CTR9: variants seen among roughly 807,000 people sequenced by gnomAD.
CTR9 encodes the protein CTR9 component of Paf1/RNA polymerase II complex, also known as RNA polymerase-associated protein CTR9 homolog.
CTR9 carries 41 observed loss-of-function variants against 152.1 expected under a neutral mutation model. The observed-to-expected ratio is 0.27, with a 90% CI of 0.21 to 0.35. The LOEUF is 0.35. CTR9 is among the 10% of genes least tolerant of loss of function. The probability of loss-of-function intolerance (pLI) is 1.00; values close to 1 mark genes in which losing one functional copy is unlikely to be tolerated. For synonymous variants in CTR9, 476 were observed against 496.2 expected (o/e 0.96, Z 0.54); for missense variants, 917 against 1,424.4 (o/e 0.64, Z 5.73).
intron 16 of CTR9, 135 bp from the exon 17 acceptor site, chr11:10,770,075 A>G (rs1863119507): frequency 8.9e-6 from 5 of 563,880 alleles, no homozygotes; most frequent in Admixed American, 7.4e-5. Context: ...TCCCCAAATT[A>G]TTCTCTGAAA....
intron 4 of CTR9, among the ~76,000 whole-genome samples, chr11:10,756,483 T>TA (rs1382902930): frequency 6.6e-6 from 1 of 152,220 alleles, no homozygotes; most frequent in Non-Finnish European, 1.5e-5. Context: ...AGCTCCCACT[T>TA]ATAAGTGAGA....
chr11:10,769,674 G>T (rs1287767426), intron 16 of CTR9, among the ~76,000 whole-genome samples: 1 of 152,122 alleles, frequency 6.6e-6, no homozygotes, highest in Admixed American at 6.5e-5. Flanking sequence ...TCATGAAAAA[G>T]GTCTTACCTA....
At chr11:10,774,894 A>G (rs552018219) in intron 22 of CTR9, among the ~76,000 whole-genome samples, 48 of 151,812 alleles carry the variant, frequency 3.2e-4, no homozygotes, top group Middle Eastern at 3.2e-3. Context: ...GAAGGGAAAG[A>G]CGTTGAAGTC....
chr11:10,771,401 A>G (rs1271343515), intron 18 of CTR9, 144 bp from the exon 19 acceptor site: 3 of 555,390 alleles, frequency 5.4e-6, no homozygotes, highest in Non-Finnish European at 9.7e-6. Context: ...TGTCTATTAA[A>G]TGTAATGAGT....
At position 10,764,361 on chromosome 11, in the gene CTR9, G is replaced by A. The variant is rs1362218422; in HGVS notation, c.1338G>A (p.Gln446=). The change falls in exon 11 of 25, where the codon CAG becomes CAA. Residue 446 remains glutamine (Q), a synonymous_variant. Coordinates refer to ENST00000361367, the MANE Select transcript of CTR9 (RefSeq NM_014633.5). ...TATRILQEKV[Q]ADVPPEILNN... ...CACGAATCCTTCAGGAGAAAGTGCA[G>A]GCCGATGTTCCTCCAGAGATTCTCA... is the stretch of plus-strand genomic sequence containing the variant. 6.2e-7 allele frequency: 1 copy of A among 1,614,094 alleles called. No homozygotes were observed. The highest frequency in any genetic ancestry group is 1.1e-5 in the South Asian group (1 of 91,066).
At chr11:10,753,951 T>A (rs1204944023) in intron 2 of CTR9, among the ~76,000 whole-genome samples, 1 of 152,202 alleles carries the variant, frequency 6.6e-6, no homozygotes, top group Non-Finnish European at 1.5e-5. Flanking sequence ...GATGTTAGCA[T>A]CTACCTCATA....
chr11:10,755,671 T>C lies in CTR9; in HGVS notation c.385-7T>C, dbSNP rs748969469. 9.5e-6 allele frequency: 15 copies of C among 1,577,620 alleles called. No homozygotes were observed. Among genetic ancestry groups the C allele is most frequent in the Non-Finnish European group, 1.3e-5 (15 of 1,147,800 alleles). ...GGTAAAATCTAAGATAATACATTAC[T>C]TCATAGAACCATTTGTTGGGAAGAG... On this transcript the variant is annotated splice_region_variant and splice_polypyrimidine_tract_variant and intron_variant, in intron 3 of 24. Coordinates refer to ENST00000361367, the MANE Select transcript of CTR9 (RefSeq NM_014633.5).
rs138850547 is a variant in CTR9, at chr11:10,752,701, G to A, written c.75G>A (p.Pro25=). The A allele has an allele frequency of 7.9e-5, 127 of 1,613,724 alleles. No homozygotes were observed. Among genetic ancestry groups the A allele is most frequent in the Non-Finnish European group, 1.0e-4 (119 of 1,179,816 alleles). The stretch of plus-strand genomic sequence containing the variant: ...TTGAACTTGACTTCGATCAGTTACC[G>A]GAGGGAGATGAAGTTATCAGTATTC... ...EVIELDFDQL[P]EGDEVISILK... The change falls in exon 2 of 25, where the codon CCG becomes CCA. Residue 25 remains proline (P), a synonymous_variant. Transcript: ENST00000361367.
chr11:10,758,873 T>C (rs1862929591), intron 5 of CTR9, among the ~76,000 whole-genome samples: 1 of 152,234 alleles, frequency 6.6e-6, no homozygotes, highest in Non-Finnish European at 1.5e-5. Flanking sequence ...ACAATCCTAC[T>C]AGAACTTCTC....
At chr11:10,775,423 A>C in intron 23 of CTR9, 98 bp from the exon 24 acceptor site, 1 of 1,366,300 alleles carries the variant, frequency 7.3e-7, no homozygotes, top group Non-Finnish European at 1.0e-6. Context: ...AAAGTTCATC[A>C]GTGGCTGTTT....
intron 22 of CTR9, chr11:10,774,417 T>C (rs1198852504): frequency 9.8e-6 from 3 of 306,298 alleles, no homozygotes; most frequent in Non-Finnish European, 1.8e-5. Flanking sequence ...GCCTTTCTTG[T>C]GTCTCTAAAT....
chr11:10,768,278 A>G, intron 15 of CTR9, 65 bp from the exon 16 acceptor site: 1 of 1,577,516 alleles, frequency 6.3e-7, no homozygotes, highest in Non-Finnish European at 8.6e-7. Context: ...TTAAAATAGA[A>G]TTTTTAGTTG....
intron 1 of CTR9, among the ~76,000 whole-genome samples, chr11:10,751,850 A>G (rs762660520): frequency 2.6e-5 from 4 of 152,034 alleles, no homozygotes; most frequent in Non-Finnish European, 4.4e-5. Context: ...CAAACTCGAG[A>G]TCTTTCCCTG....
At chr11:10,760,763 G>A (rs1336354463) in intron 6 of CTR9, among the ~76,000 whole-genome samples, 6 of 152,182 alleles carry the variant, frequency 3.9e-5, no homozygotes. Context: ...TACTAAACCA[G>A]TTGTCAAAGG....
intron 9 of CTR9, 35 bp downstream of exon 9, chr11:10,763,914 G>T: frequency 1.3e-6 from 2 of 1,511,658 alleles, no homozygotes; most frequent in Non-Finnish European, 9.0e-7. Flanking sequence ...GCTGTTTTCT[G>T]TTAGCTGTCC....
At chr11:10,772,976 G>A (rs770340728) in intron 20 of CTR9, 151 bp from the exon 21 acceptor site, 43 of 878,884 alleles carry the variant, frequency 4.9e-5, no homozygotes, top group Middle Eastern at 3.6e-4. Context: ...GTAGTGAGCC[G>A]AGATTGCACC....
In CTR9 at chr11:10,751,463, T is replaced by C. The variant is rs779754878; in HGVS notation, c.45+6T>C. On this transcript the variant is annotated splice_donor_region_variant and intron_variant, in intron 1 of 24. Transcript: ENST00000361367. ...CCCTCCGGGACACTGACGAGGTAAG[T>C]GTCGTGTATGGAGGCGGGTGGGGGC... 2.4e-5 allele frequency: 38 copies of C among 1,613,658 alleles called. No individual in the cohort carries two copies. Among genetic ancestry groups the C allele is most frequent in the Non-Finnish European group, 3.0e-5 (35 of 1,179,932 alleles).
rs114373733 is a variant in CTR9 at position 10,756,708 on chromosome 11, C to T, written c.503-41C>T. On this transcript the variant is annotated intron_variant, in intron 4 of 24. Transcript: ENST00000361367. ...GTGTAAAACATAATAGACTTGTAGC[C>T]TTTAATCAGACACTGTGTTTATTTT... 2,082 of 1,410,432 alleles carry T rather than the reference C, an allele frequency of 1.5e-3. 34 individuals carry two copies. In the African/African-American group the frequency reaches 0.027, roughly 18 times the overall value. The allele number at this position is 1,410,432 out of a possible 1,614,324, so 87.4% of individuals were successfully genotyped here.
chr11:10,772,721 TAA>T (rs533956415), intron 20 of CTR9, 66 bp downstream of exon 20: 4 of 1,304,126 alleles, frequency 3.1e-6, no homozygotes, highest in South Asian at 1.7e-5. Context: ...TTTGTATGTT[TAA>T]AAAAAAAAGT....
Sources: allele counts gnomAD v4.1 joint callset (sites outside exome capture counted in the v4.1 genomes callset), GRCh38; gene constraint gnomAD v4.1.1; transcripts MANE v1.5; gene names NCBI Gene and HGNC (gene_info 2026-07-23, HGNC 2026-07-21).